Variants in MTMR7 observed in about 807,000 individuals in gnomAD.
The protein encoded by MTMR7 is phosphatidylinositol-3-phosphate phosphatase MTMR7.
In MTMR7, 76 loss-of-function variants were observed where a neutral mutation model predicts 81.2. That is an observed-to-expected ratio of 0.94 (90% CI 0.78 to 1.13). The LOEUF (loss-of-function observed/expected upper bound fraction) is 1.13. Among genes scored for constraint, MTMR7 ranks in the 50% most tolerant of loss-of-function variants. The pLI, the probability that MTMR7 is intolerant of heterozygous loss-of-function variation, is 0.00. For synonymous variants in MTMR7, 372 were observed against 289.8 expected (o/e 1.28, Z -2.88); for missense variants, 1,044 against 820.0 (o/e 1.27, Z -3.34).
Position 17,298,996 on chromosome 8 carries a change from G to C in MTMR7, c.*866C>G, listed in dbSNP as rs1294059718. 1.3e-5 allele frequency: 2 copies of C among 152,156 alleles called. No individual in the cohort carries two copies. Among genetic ancestry groups the C allele is most frequent in the African/African-American group, 4.8e-5 (2 of 41,450 alleles). The allele number at this position is 152,156 out of a possible 1,614,324, so 9.4% of individuals were successfully genotyped here. A position where few individuals can be genotyped will look rare whatever the true frequency, so the allele number is the denominator to read the frequency against. On this transcript the variant is annotated 3_prime_UTR_variant, in exon 14 of 14. Transcript: ENST00000180173. ...TCTTGAAACTGGATTTTCACTCACA[G>C]ATGTTTTATCTACTAACTTTATAAT...
chr8:17,407,277 T>A (rs957218573), intron 1 of MTMR7, among the ~76,000 whole-genome samples: 1 of 151,310 alleles, frequency 6.6e-6, no homozygotes, highest in Admixed American at 6.6e-5. Context: ...TAAAAAAAAA[T>A]ACACTAAAAG....
Position 17,306,713 on chromosome 8 carries a change from G to A in MTMR7, c.1152-756C>T, listed in dbSNP as rs983034220. On this transcript the variant is annotated intron_variant, in intron 10 of 13. Transcript: ENST00000180173. ...GATCATCACCTTGAGGAAGAGGAAT[G>A]AGCAATGATCAGTTTTAGAGTTTTC... Among the ~76,000 whole-genome samples, 6 of 152,284 alleles carry A rather than the reference G, an allele frequency of 3.9e-5. No individual in the cohort carries two copies. The South Asian group carries it at 1.2e-3, about 32-fold the overall frequency.
At chr8:17,343,463 C>T (rs1563347838) in intron 5 of MTMR7, among the ~76,000 whole-genome samples, 1 of 151,952 alleles carries the variant, frequency 6.6e-6, no homozygotes, top group Non-Finnish European at 1.5e-5. Context: ...GGACAGCTGC[C>T]ACCAGACAAT....
intron 4 of MTMR7, among the ~76,000 whole-genome samples, chr8:17,360,706 G>T (rs1820033582): frequency 6.6e-6 from 1 of 151,888 alleles, no homozygotes; most frequent in East Asian, 1.9e-4. Context: ...ACCAAGCAAG[G>T]ACTCAGTGAG....
intron 5 of MTMR7, among the ~76,000 whole-genome samples, chr8:17,347,568 G>A (rs1304247759): frequency 6.6e-6 from 1 of 152,162 alleles, no homozygotes; most frequent in Non-Finnish European, 1.5e-5. Context: ...ACTCGGCTTT[G>A]AATCCAGAAG....
intron 1 of MTMR7, among the ~76,000 whole-genome samples, chr8:17,400,266 A>G (rs1249207719): frequency 2.0e-5 from 3 of 152,202 alleles, no homozygotes; most frequent in African/African-American, 7.2e-5. Flanking sequence ...CACATTTATT[A>G]AGACGCTTAG....
At position 17,317,008 on chromosome 8, in the gene MTMR7, G is replaced by A. The variant is rs142491778; in HGVS notation, c.866-3607C>T. ...TTTTCCCATATCCCAACTAATACTT[G>A]GTAATGCTGATGCTTTAAGTTTTGC... On this transcript the variant is annotated intron_variant, in intron 7 of 13. Coordinates refer to ENST00000180173, the MANE Select transcript of MTMR7 (RefSeq NM_004686.5). Among the ~76,000 whole-genome samples, 7 of 152,198 alleles carry A rather than the reference G, an allele frequency of 4.6e-5. No homozygotes were observed. The East Asian group carries it at 1.4e-3, about 29-fold the overall frequency.
At chr8:17,381,285 C>A (rs1401995782) in intron 1 of MTMR7, among the ~76,000 whole-genome samples, 2 of 152,192 alleles carry the variant, frequency 1.3e-5, no homozygotes, top group East Asian at 1.9e-4. Context: ...CACCACCGCA[C>A]TTCCAGGTCT....
intron 5 of MTMR7, among the ~76,000 whole-genome samples, chr8:17,348,604 G>A (rs182962295): frequency 0.013 from 1,929 of 151,658 alleles, 42 homozygotes; most frequent in East Asian, 0.071. Context: ...TGGACTTCGG[G>A]GGCTTTTCTA....
At chr8:17,380,163 C>T (rs1429447926) in intron 1 of MTMR7, among the ~76,000 whole-genome samples, 2 of 152,156 alleles carry the variant, frequency 1.3e-5, no homozygotes, top group Non-Finnish European at 2.9e-5. Flanking sequence ...CTTTGGACTT[C>T]TGAAGGTAAG....
At chr8:17,377,303 A>T (rs1223460272) in intron 1 of MTMR7, among the ~76,000 whole-genome samples, 1 of 152,092 alleles carries the variant, frequency 6.6e-6, no homozygotes, top group Non-Finnish European at 1.5e-5. Context: ...TCCCATTTTA[A>T]TATTATAATA....
rs185227463 is a variant in MTMR7, at chr8:17,299,473, G to A, written c.*389C>T. The stretch of plus-strand genomic sequence containing the variant: ...TTAGAAAACACAAAATATGCATCTA[G>A]AAGTGAACTAAAAGAATCATGATGA... On this transcript the variant is annotated 3_prime_UTR_variant, in exon 14 of 14. Coordinates refer to ENST00000180173, the MANE Select transcript of MTMR7 (RefSeq NM_004686.5). 20 of 175,998 alleles carry A rather than the reference G, an allele frequency of 1.1e-4. No homozygotes were observed. The highest frequency in any genetic ancestry group is 4.9e-4 in the Admixed American group (9 of 18,442). The allele number at this position is 175,998 out of a possible 1,614,324, so 10.9% of individuals were successfully genotyped here.
intron 5 of MTMR7, among the ~76,000 whole-genome samples, chr8:17,341,969 C>T (rs1259985523): frequency 6.6e-6 from 1 of 151,238 alleles, no homozygotes; most frequent in Non-Finnish European, 1.5e-5. Flanking sequence ...ATACCAAAAA[C>T]CAATTCTAAT....
chr8:17,392,293 G>A (rs1821130319), intron 1 of MTMR7, among the ~76,000 whole-genome samples: 1 of 152,164 alleles, frequency 6.6e-6, no homozygotes, highest in Non-Finnish European at 1.5e-5. Flanking sequence ...AGTTAATAAT[G>A]TGAGTTCAAT....
intron 2 of MTMR7, among the ~76,000 whole-genome samples, chr8:17,372,369 T>C (rs1820445195): frequency 6.6e-6 from 1 of 152,078 alleles, no homozygotes; most frequent in African/African-American, 2.4e-5. Flanking sequence ...TCACTTGAGG[T>C]CAGGTCAGGA....
intron 8 of MTMR7, 98 bp from the exon 9 acceptor site, chr8:17,311,734 AAC>A (rs2150487108): frequency 6.4e-7 from 1 of 1,554,156 alleles, no homozygotes; most frequent in African/African-American, 1.4e-5. Flanking sequence ...TACAGAAAGA[AAC>A]AGCCAAAACG....
intron 3 of MTMR7, among the ~76,000 whole-genome samples, chr8:17,367,336 A>G (rs1422153009): frequency 1.3e-5 from 2 of 152,178 alleles, no homozygotes; most frequent in East Asian, 3.9e-4. Flanking sequence ...TTGATACAAA[A>G]ATAAACAGCA....
intron 13 of MTMR7, 28 bp from the exon 14 acceptor site, chr8:17,300,252 A>C (rs564378279): frequency 1.3e-6 from 2 of 1,577,522 alleles, no homozygotes; most frequent in Non-Finnish European, 1.7e-6. Flanking sequence ...ATTTCAGGGG[A>C]AAAATCATAA....
In MTMR7 at chr8:17,300,126, G is replaced by C. The variant is rs1006801412; in HGVS notation, c.1719C>G (p.Asn573Lys). Residue 573 changes from asparagine (N) to lysine (K), a missense_variant, in exon 14 of 14, where the codon AAC becomes AAG. Coordinates refer to ENST00000180173, the MANE Select transcript of MTMR7 (RefSeq NM_004686.5). ...SKHSGFSTSD[N>K]SIANTPQDYS... ...AATCCTGGGGAGTGTTGGCTATGCT[G>C]TTGTCTGAGGTAGAAAACCCTGAGT... The C allele has an allele frequency of 6.2e-7, 1 of 1,613,984 alleles. No individual in the cohort carries two copies. Among genetic ancestry groups the C allele is most frequent in the African/African-American group, 1.3e-5 (1 of 74,894 alleles).
Sources: allele counts gnomAD v4.1 joint callset (sites outside exome capture counted in the v4.1 genomes callset), GRCh38; gene constraint gnomAD v4.1.1; transcripts MANE v1.5; gene names NCBI Gene and HGNC (gene_info 2026-07-23, HGNC 2026-07-21).